The following KIAA1217 variants were observed in gnomAD, a reference collection of about 807,000 sequenced individuals.
The protein encoded by KIAA1217 is KIAA1217, also known as sickle tail protein homolog.
A neutral mutation model predicts 163.9 loss-of-function variants in KIAA1217; 88 were observed. That is an observed-to-expected ratio of 0.54 (90% CI 0.45 to 0.64). The LOEUF (loss-of-function observed/expected upper bound fraction) is 0.64, where lower values mean the gene tolerates loss of function less well. Among genes scored for constraint, KIAA1217 ranks in the 30% least tolerant of loss-of-function variants. The probability of loss-of-function intolerance (pLI) is 0.00; values close to 1 mark genes in which losing one functional copy is unlikely to be tolerated. For synonymous variants in KIAA1217, 903 were observed against 923.1 expected, an observed-to-expected ratio of 0.98 and a Z score of 0.39; for missense variants, 2,372 against 2,475.0, an observed-to-expected ratio of 0.96 and a Z score of 0.88.
chr10:23,933,511 T>C (rs915816721), intron 1 of KIAA1217, among the ~76,000 whole-genome samples: 1 of 152,190 alleles, frequency 6.6e-6, no homozygotes, highest in Non-Finnish European at 1.5e-5. Flanking sequence ...CATGATTTTC[T>C]GTTAATTGCA....
At chr10:24,013,943 G>T (rs1847362485) in intron 2 of KIAA1217, among the ~76,000 whole-genome samples, 1 of 152,144 alleles carries the variant, frequency 6.6e-6, no homozygotes, top group Non-Finnish European at 1.5e-5. Flanking sequence ...TTAATTGTGG[G>T]ATGTGTCACT....
intron 2 of KIAA1217, among the ~76,000 whole-genome samples, chr10:24,192,526 G>A (rs533777551): frequency 4.5e-4 from 68 of 152,298 alleles, no homozygotes; most frequent in South Asian, 3.9e-3. Flanking sequence ...ATAAGGTTAA[G>A]TTCATCACAT....
At chr10:24,027,681 T>C (rs917921582) in intron 2 of KIAA1217, among the ~76,000 whole-genome samples, 7 of 152,126 alleles carry the variant, frequency 4.6e-5, no homozygotes, top group Non-Finnish European at 8.8e-5. Context: ...GAAAACTCAA[T>C]AGTGTAAAAT....
At chr10:24,044,110 T>G (rs1848815459) in intron 2 of KIAA1217, among the ~76,000 whole-genome samples, 1 of 152,184 alleles carries the variant, frequency 6.6e-6, no homozygotes, top group African/African-American at 2.4e-5. Context: ...TGGATTATTT[T>G]TGAAAGACAT....
intron 20 of KIAA1217, 35 bp downstream of exon 20, chr10:24,545,138 C>T: frequency 6.2e-7 from 1 of 1,612,064 alleles, no homozygotes; most frequent in Non-Finnish European, 8.5e-7. Flanking sequence ...TGGATGGACG[C>T]TATTTCAGTT....
At chr10:23,926,354 T>C (rs1223148652) in intron 1 of KIAA1217, among the ~76,000 whole-genome samples, 2 of 152,200 alleles carry the variant, frequency 1.3e-5, no homozygotes, top group Admixed American at 6.5e-5. Context: ...AATACACATC[T>C]CATATGAAAA....
intron 2 of KIAA1217, among the ~76,000 whole-genome samples, chr10:24,240,237 C>G (rs1467670048): frequency 2.6e-5 from 4 of 152,104 alleles, no homozygotes; most frequent in Non-Finnish European, 2.9e-5. Flanking sequence ...TTAGTTCCAC[C>G]AAGCTTAAAA....
At chr10:24,433,217 C>A in intron 4 of KIAA1217, 24 bp downstream of exon 4, 1 of 1,576,424 alleles carries the variant, frequency 6.3e-7, no homozygotes, top group Non-Finnish European at 8.7e-7. Flanking sequence ...TCATTTTTTG[C>A]CTGCCATTTT....
At chr10:24,040,470 A>G (rs750092653) in intron 2 of KIAA1217, among the ~76,000 whole-genome samples, 1 of 152,244 alleles carries the variant, frequency 6.6e-6, no homozygotes, top group African/African-American at 2.4e-5. Context: ...TCTTGGGCAG[A>G]CATAAAAGAT....
At chr10:24,453,682 A>G (rs914051773) in intron 5 of KIAA1217, among the ~76,000 whole-genome samples, 1 of 152,226 alleles carries the variant, frequency 6.6e-6, no homozygotes, top group Non-Finnish European at 1.5e-5. Flanking sequence ...GACTCCTCAC[A>G]TTACTTTCAG....
chr10:24,286,320 GATC>G (rs1657376006), intron 2 of KIAA1217, among the ~76,000 whole-genome samples: 1 of 151,976 alleles, frequency 6.6e-6, no homozygotes, highest in South Asian at 2.1e-4. Context: ...CCTTAAATGT[GATC>G]ATCAACTTCT....
Position 24,202,043 on chromosome 10 carries a change from C to T in KIAA1217, c.-170-17583C>T, listed in dbSNP as rs142356542. ...AGCCCCGGGTGCTGGGTGACCCCCT[C>T]AGCTCCAGGTGTGGCTGCAGGACTG... On this transcript the variant is annotated intron_variant, in intron 2 of 18. Coordinates refer to the KIAA1217 transcript ENST00000376462. Among the ~76,000 whole-genome samples the T allele has an allele frequency of 6.4e-3, 977 of 152,322 alleles. 12 individuals carry two copies. The highest frequency in any genetic ancestry group is 8.4e-3 in the Non-Finnish European group (574 of 68,026).
In KIAA1217 at chr10:23,758,528, T is replaced by C. The variant is rs979210253; in HGVS notation, c.-321+63294T>C. Among the ~76,000 whole-genome samples, 6 of 152,106 alleles carry C rather than the reference T, an allele frequency of 3.9e-5. No homozygotes were observed. In the South Asian group the frequency reaches 1.2e-3, roughly 32 times the overall value. ...ATTTTTTAGAATTGTTTCAGCTAAT[T>C]GGGACTGCTTGCAATTCTACATGAA... On this transcript the variant is annotated intron_variant, in intron 1 of 18. Transcript: ENST00000376462.
At chr10:24,181,245 A>G (rs368401401) in intron 2 of KIAA1217, among the ~76,000 whole-genome samples, 1 of 152,224 alleles carries the variant, frequency 6.6e-6, no homozygotes, top group Non-Finnish European at 1.5e-5. Flanking sequence ...AGGGGAACCT[A>G]ATCTGGCAAG....
intron 2 of KIAA1217, among the ~76,000 whole-genome samples, chr10:24,352,552 C>T (rs2048586201): frequency 6.6e-6 from 1 of 152,116 alleles, no homozygotes; most frequent in African/African-American, 2.4e-5. Flanking sequence ...TGTTTAGACT[C>T]CGCTGTCTGC....
intron 3 of KIAA1217, among the ~76,000 whole-genome samples, chr10:24,426,458 C>A (rs946918514): frequency 6.6e-6 from 1 of 151,976 alleles, no homozygotes; most frequent in African/African-American, 2.4e-5. Context: ...CCCGTCTCTA[C>A]TAAAAAAATA....
At chr10:24,110,488 G>A (rs11013897) in intron 2 of KIAA1217, among the ~76,000 whole-genome samples, 17,164 of 151,944 alleles carry the variant, frequency 0.11, 1,072 homozygotes, top group Middle Eastern at 0.2. Flanking sequence ...ATGAAATGTT[G>A]CAGTTATGTG....
At chr10:23,830,455 G>T (rs565263892) in intron 1 of KIAA1217, among the ~76,000 whole-genome samples, 69 of 152,160 alleles carry the variant, frequency 4.5e-4, no homozygotes, top group African/African-American at 1.6e-3. Context: ...TTTGTGTTTG[G>T]CCGTTGCTGT....
At chr10:24,341,878 AAGAT>A (rs1345852201) in intron 2 of KIAA1217, among the ~76,000 whole-genome samples, 1 of 152,212 alleles carries the variant, frequency 6.6e-6, no homozygotes, top group African/African-American at 2.4e-5. Context: ...AAAAAAAAAA[AAGAT>A]AGCCACATAG....
Sources: allele counts gnomAD v4.1 joint callset (sites outside exome capture counted in the v4.1 genomes callset), GRCh38; gene constraint gnomAD v4.1.1; transcripts MANE v1.5; gene names NCBI Gene and HGNC (gene_info 2026-07-23, HGNC 2026-07-21).